Variants in VOPP1 observed in about 807,000 individuals in gnomAD.
The protein encoded by VOPP1 is WW domain binding protein VOPP1.
In VOPP1, 8 loss-of-function variants were observed where a neutral mutation model predicts 23.5. The observed-to-expected ratio is 0.34, with a 90% CI of 0.20 to 0.61. The LOEUF (loss-of-function observed/expected upper bound fraction) is 0.61, where lower values mean the gene tolerates loss of function less well. Among genes scored for constraint, VOPP1 ranks in the 20% least tolerant of loss-of-function variants. The pLI is 0.78. For synonymous variants in VOPP1, 83 were observed against 97.3 expected (o/e 0.85, Z 0.86); for missense variants, 174 against 238.1 (o/e 0.73, Z 1.77).
At chr7:55,498,022 G>A (rs889673805) in intron 2 of VOPP1, among the ~76,000 whole-genome samples, 6 of 152,228 alleles carry the variant, frequency 3.9e-5, no homozygotes, top group Non-Finnish European at 7.3e-5. Context: ...GCTGCTGGGA[G>A]GAGGCTCCAC....
chr7:55,518,227 G>C (rs1437061790), intron 2 of VOPP1, among the ~76,000 whole-genome samples: 1 of 152,228 alleles, frequency 6.6e-6, no homozygotes, highest in East Asian at 1.9e-4. Context: ...CAACAGAGTG[G>C]AGGGATGGGA....
chr7:55,457,723 T>C (rs534967539), intron 4 of VOPP1, among the ~76,000 whole-genome samples: 2 of 152,306 alleles, frequency 1.3e-5, no homozygotes, highest in South Asian at 4.1e-4. Context: ...ATGTTAAACA[T>C]TTTTTCATAT....
chr7:55,479,150 C>CTTT (rs56389484), intron 4 of VOPP1, among the ~76,000 whole-genome samples: 5 of 145,616 alleles, frequency 3.4e-5, no homozygotes, highest in Admixed American at 6.8e-5. Flanking sequence ...AGAACATTTT[C>CTTT]TTTTTTTTTT....
At chr7:55,559,879 C>T (rs906508752) in intron 1 of VOPP1, among the ~76,000 whole-genome samples, 7 of 152,204 alleles carry the variant, frequency 4.6e-5, no homozygotes, top group Non-Finnish European at 5.9e-5. Flanking sequence ...ACTGGCCAGG[C>T]GCAGTGTCTC....
At position 55,552,760 on chromosome 7, in the gene VOPP1, G is replaced by A. The variant is rs554851494; in HGVS notation, c.54+19511C>T. The stretch of plus-strand genomic sequence containing the variant: ...GTTGCCGGCACACGGAGTTCACGCA[G>A]AGAGGCAGCAAGTGGAGCCTGTTCT... On this transcript the variant is annotated intron_variant, in intron 1 of 4. Coordinates refer to ENST00000285279, the MANE Select transcript of VOPP1 (RefSeq NM_030796.5). The A allele has an allele frequency of 1.1e-4, 162 of 1,531,992 alleles. No individual in the cohort carries two copies. In the African/African-American group the frequency reaches 2.0e-3, roughly 19 times the overall value. 94.9% of individuals were successfully genotyped at this position (1,531,992 alleles called of 1,614,324 possible).
chr7:55,490,246 G>A (rs1793469353), intron 4 of VOPP1, among the ~76,000 whole-genome samples: 1 of 152,126 alleles, frequency 6.6e-6, no homozygotes, highest in African/African-American at 2.4e-5. Context: ...GTGGAGACCA[G>A]TGGCCAGCAG....
chr7:55,514,357 C>T (rs142142375), intron 2 of VOPP1, among the ~76,000 whole-genome samples: 4 of 152,198 alleles, frequency 2.6e-5, no homozygotes, highest in Non-Finnish European at 5.9e-5. Context: ...GCACAGGAAA[C>T]GGGGGCCCAG....
chr7:55,553,496 G>A (rs1424208910), intron 1 of VOPP1, among the ~76,000 whole-genome samples: 1 of 152,086 alleles, frequency 6.6e-6, no homozygotes, highest in African/African-American at 2.4e-5. Context: ...TTATTTAGAT[G>A]ATAGATCTAG....
chr7:55,470,370 C>T (rs1428139367), downstream of VOPP1, among the ~76,000 whole-genome samples: 1 of 152,232 alleles, frequency 6.6e-6, no homozygotes, highest in Non-Finnish European at 1.5e-5. Context: ...TCAAGGTTAA[C>T]TTACAGTATC....
chr7:55,494,207 G>C (rs954735211), intron 3 of VOPP1, among the ~76,000 whole-genome samples: 2 of 152,198 alleles, frequency 1.3e-5, no homozygotes, highest in African/African-American at 2.4e-5. Context: ...TTCCCAAAGG[G>C]AACGGCTTCC....
downstream of VOPP1, among the ~76,000 whole-genome samples, chr7:55,468,778 C>G (rs1223080337): frequency 6.6e-6 from 1 of 152,092 alleles, no homozygotes; most frequent in Non-Finnish European, 1.5e-5. Context: ...GGAGTGAAGC[C>G]CCAGGGTACC....
At chr7:55,477,877 T>C (rs2129011093) in intron 4 of VOPP1, among the ~76,000 whole-genome samples, 1 of 152,322 alleles carries the variant, frequency 6.6e-6, no homozygotes, top group South Asian at 2.1e-4. Flanking sequence ...GGCCGGATGC[T>C]GGAGCCTCAT....
At chr7:55,456,715 C>G (rs371538395) in intron 4 of VOPP1, among the ~76,000 whole-genome samples, 2 of 152,180 alleles carry the variant, frequency 1.3e-5, no homozygotes, top group East Asian at 3.9e-4. Context: ...AACCGAACAC[C>G]GCATGTTCTC....
intron 4 of VOPP1, among the ~76,000 whole-genome samples, chr7:55,477,830 C>T (rs890938198): frequency 6.6e-6 from 1 of 152,196 alleles, no homozygotes; most frequent in Non-Finnish European, 1.5e-5. Context: ...TTGGTGACCA[C>T]GCTGGAGAGG....
chr7:55,449,180 G>A (rs1791177615), intron 4 of VOPP1, among the ~76,000 whole-genome samples: 1 of 152,212 alleles, frequency 6.6e-6, no homozygotes, highest in African/African-American at 2.4e-5. Context: ...GCAGGTGTCC[G>A]CTCCCGGAGC....
At chr7:55,488,369 C>G (rs1045140794) in intron 4 of VOPP1, among the ~76,000 whole-genome samples, 1 of 152,192 alleles carries the variant, frequency 6.6e-6, no homozygotes, top group Non-Finnish European at 1.5e-5. Flanking sequence ...AGCCTCTGCA[C>G]AACCCGGCCA....
intron 4 of VOPP1, among the ~76,000 whole-genome samples, chr7:55,461,973 C>T (rs76805309): frequency 1.9e-3 from 290 of 152,212 alleles, no homozygotes; most frequent in African/African-American, 6.5e-3. Flanking sequence ...CAAATATCAG[C>T]CTTTTGCTTT....
chr7:55,489,628 G>A (rs751378867), intron 4 of VOPP1, among the ~76,000 whole-genome samples: 19 of 152,162 alleles, frequency 1.2e-4, no homozygotes, highest in Non-Finnish European at 2.4e-4. Flanking sequence ...TCCTGCAGGC[G>A]CCTCAGCAGG....
intron 4 of VOPP1, among the ~76,000 whole-genome samples, chr7:55,449,212 T>C (rs910172532): frequency 1.3e-5 from 2 of 152,190 alleles, no homozygotes; most frequent in African/African-American, 4.8e-5. Flanking sequence ...CCTGCTCCTG[T>C]CGGCGCCCGT....
Sources: gnomAD v4.1 joint callset for allele counts (sites outside exome capture counted in the v4.1 genomes callset) on GRCh38, gnomAD v4.1.1 for gene constraint, MANE v1.5 for transcripts, NCBI Gene and HGNC (gene_info 2026-07-23, HGNC 2026-07-21) for gene names.